Variants in TNNC1 observed in about 807,000 individuals in gnomAD.
TNNC1 encodes the protein troponin C1, slow skeletal and cardiac type, also known as troponin C, slow skeletal and cardiac muscles.
Under a neutral mutation model 19.6 loss-of-function variants are expected in TNNC1, and 10 were observed. That is an observed-to-expected ratio of 0.51 (90% CI 0.31 to 0.87). The LOEUF is 0.87. TNNC1 is among the 40% of genes least tolerant of loss of function. TNNC1 has a pLI of 0.04. For missense variants in TNNC1, 115 were observed against 219.8 expected (o/e 0.52, Z 3.02); for synonymous variants, 85 against 80.1 (o/e 1.06, Z -0.33).
intron 1 of TNNC1, 108 bp downstream of exon 1, chr3:52,453,884 T>A: frequency 7.2e-7 from 1 of 1,381,822 alleles, no homozygotes. Flanking sequence ...CACGTAGGCC[T>A]TCTCCTTGGT....
chr3:52,452,185 C>T lies in TNNC1; in HGVS notation c.123G>A (p.Leu41=), dbSNP rs757250535. ...AEDGCISTKE[L]GKVMRMLGQN... ...GGCCCAGCATCCTCATCACCTTGCC[C>T]AGCTCCTTGGTGCTGATGCAGCCAT... Residue 41 remains leucine, a synonymous_variant, in exon 3 of 6, where the codon CTG becomes CTA. Transcript: ENST00000232975. This position sits in a 1 kb window ranked among gnomAD's most constrained non-coding sequence, Gnocchi z 5.2. The T allele has an allele frequency of 2.5e-6, 4 of 1,614,062 alleles. No homozygotes were observed. Among genetic ancestry groups the T allele is most frequent in the Non-Finnish European group, 3.4e-6 (4 of 1,180,032 alleles).
rs1374868427 is a variant in TNNC1 at position 52,452,402 on chromosome 3, G to C, written c.55+81C>G. On this transcript the variant is annotated intron_variant, in intron 2 of 5. Coordinates refer to ENST00000232975, the MANE Select transcript of TNNC1 (RefSeq NM_003280.3). The surrounding 1 kb of genome is among the most constrained non-coding windows in gnomAD (Gnocchi z 5.2). ...AGAGGGACCAAGCCTCTGGTCTCTG[G>C]CCTGGGGTCCTCTTCTGATAAGGGG... is the stretch of plus-strand genomic sequence containing the variant. The C allele has an allele frequency of 6.3e-7, 1 of 1,588,502 alleles. No individual in the cohort carries two copies. Among genetic ancestry groups the C allele is most frequent in the Non-Finnish European group, 8.6e-7 (1 of 1,164,266 alleles).
rs1220589718 is a variant in TNNC1 at position 52,451,164 on chromosome 3, G to A, written c.*111C>T. On this transcript the variant is annotated 3_prime_UTR_variant, in exon 6 of 6. Transcript: ENST00000232975. This position sits in a 1 kb window ranked among gnomAD's most constrained non-coding sequence, Gnocchi z 4.8. ...CTGGGGAGGGAGTCGGGGGATTTGG[G>A]GTTGAGGACATGGCCAGGCTCAGGT... The A allele has an allele frequency of 7.9e-7, 1 of 1,265,432 alleles. No homozygotes were observed. Among genetic ancestry groups the A allele is most frequent in the Non-Finnish European group, 1.1e-6 (1 of 871,618 alleles). 78.4% of individuals were successfully genotyped at this position (1,265,432 alleles called of 1,614,324 possible).
chr3:52,452,040 C>T lies in TNNC1; in HGVS notation c.202+66G>A. ...ATAGGCTAAATTGCTCCCAGCTAAA[C>T]AGAGCCAGCATTCCAGCCCCCAGCC... On this transcript the variant is annotated intron_variant, in intron 3 of 5. Transcript: ENST00000232975. The surrounding 1 kb of genome is among the most constrained non-coding windows in gnomAD (Gnocchi z 5.2). 2.5e-6 allele frequency: 4 copies of T among 1,612,152 alleles called. No homozygotes were observed. Among genetic ancestry groups the T allele is most frequent in the Non-Finnish European group, 3.4e-6 (4 of 1,179,142 alleles).
chr3:52,452,844 T>C lies in TNNC1; in HGVS notation c.25-331A>G, dbSNP rs192260650. On this transcript the variant is annotated intron_variant, in intron 1 of 5. Coordinates refer to ENST00000232975, the MANE Select transcript of TNNC1 (RefSeq NM_003280.3). The surrounding 1 kb of genome is among the most constrained non-coding windows in gnomAD (Gnocchi z 5.2). ...GCCCGAAGGACAGCTGTCCCTCAAG[T>C]TGGGATAATAAAACCAGTGTGGAGG... 2.7e-5 allele frequency: 12 copies of C among 446,118 alleles called. No individual in the cohort carries two copies. The East Asian group carries it at 5.5e-4, about 21-fold the overall frequency. The allele number at this position is 446,118 out of a possible 1,614,324, so 27.6% of individuals were successfully genotyped here.
intron 1 of TNNC1, among the ~76,000 whole-genome samples, chr3:52,453,103 C>A (rs1366412975): frequency 3.3e-5 from 5 of 152,220 alleles, no homozygotes; most frequent in Non-Finnish European, 5.9e-5. Context: ...TCCATGGACT[C>A]CCACAGGATA....
At position 52,452,508 on chromosome 3, in the gene TNNC1, C is replaced by T; in HGVS notation, c.30G>A (p.Glu10=). ...CATTTTTCTGCTCTTCTGTCAGCTG[C>T]TCTACCTAGAAAGGAAAGGGAATCT... MDDIYKAAV[E]QLTEEQKNEF... is the part of the protein sequence containing the mutation. Residue 10 remains glutamate, a synonymous_variant, in exon 2 of 6, where the codon GAG becomes GAA. Transcript: ENST00000232975. This position sits in a 1 kb window ranked among gnomAD's most constrained non-coding sequence, Gnocchi z 5.2. 1.2e-6 allele frequency: 2 copies of T among 1,613,512 alleles called. No homozygotes were observed. Among genetic ancestry groups the T allele is most frequent in the East Asian group, 2.2e-5 (1 of 44,866 alleles).
chr3:52,453,373 C>G (rs1706357494), intron 1 of TNNC1, among the ~76,000 whole-genome samples: 1 of 152,200 alleles, frequency 6.6e-6, no homozygotes, highest in Non-Finnish European at 1.5e-5. Flanking sequence ...CTGAGCCTGC[C>G]AGGCATGATG....
Position 52,451,890 on chromosome 3 carries a change from C to G in TNNC1, c.203-32G>C, listed in dbSNP as rs781245165. The G allele has an allele frequency of 3.1e-6, 5 of 1,601,350 alleles. No homozygotes were observed. The South Asian group carries it at 4.4e-5, about 14-fold the overall frequency. On this transcript the variant is annotated intron_variant, in intron 3 of 5. Transcript: ENST00000232975. The surrounding 1 kb of genome is among the most constrained non-coding windows in gnomAD (Gnocchi z 4.8). ...GTGGGCAGCATGGCCGTTACAGAGG[C>G]CAGGGTAGGTACTGCAGGCAGCACC...
At position 52,451,497 on chromosome 3, in the gene TNNC1, CTCA is replaced by C. The variant is rs1477420578; in HGVS notation, c.345_347del (p.Asp115del). 6.2e-7 allele frequency: 1 copy of C among 1,614,050 alleles called. No homozygotes were observed. The highest frequency in any genetic ancestry group is 8.5e-7 in the Non-Finnish European group (1 of 1,180,028). The stretch of plus-strand genomic sequence containing the variant: ...CTGTAGCCTGCAGCATTATCTTCAG[CTCA>C]TCCAGGTCGATGTAGCCATCAGCAT... On this transcript the variant is annotated inframe_deletion, in exon 5 of 6. Coordinates refer to ENST00000232975, the MANE Select transcript of TNNC1 (RefSeq NM_003280.3). This position sits in a 1 kb window ranked among gnomAD's most constrained non-coding sequence, Gnocchi z 4.8.
chr3:52,452,358 C>A lies in TNNC1; in HGVS notation c.56-106G>T. On this transcript the variant is annotated intron_variant, in intron 2 of 5. Coordinates refer to ENST00000232975, the MANE Select transcript of TNNC1 (RefSeq NM_003280.3). This position sits in a 1 kb window ranked among gnomAD's most constrained non-coding sequence, Gnocchi z 5.2. ...CCAACCTGCCCACCTCCCTCGGAGA[C>A]CTCTCTGAGGGCAGAGCAAGAGGGA... The A allele has an allele frequency of 1.3e-6, 2 of 1,585,696 alleles. No individual in the cohort carries two copies. The highest frequency in any genetic ancestry group is 2.7e-5 in the African/African-American group (2 of 74,580).
chr3:52,452,257 G>T lies in TNNC1; in HGVS notation c.56-5C>A. On this transcript the variant is annotated splice_polypyrimidine_tract_variant and splice_region_variant and intron_variant, in intron 2 of 5. Transcript: ENST00000232975. This position sits in a 1 kb window ranked among gnomAD's most constrained non-coding sequence, Gnocchi z 5.2. ...TGTCGAAGGCTGCCTTGAACTCTGTGTTCAGGGGTTGGGGGGCACAGTAGT... is the reference window on the plus strand; with the variant it reads ...TGTCGAAGGCTGCCTTGAACTCTGTTTTCAGGGGTTGGGGGGCACAGTAGT... The T allele has an allele frequency of 6.2e-7, 1 of 1,609,550 alleles. No homozygotes were observed. Among genetic ancestry groups the T allele is most frequent in the Non-Finnish European group, 8.5e-7 (1 of 1,180,006 alleles).
chr3:52,451,573 CA>C lies in TNNC1; in HGVS notation c.318-47del, dbSNP rs1042876884. ...GTAGGGCTGTGGGGAGGGCATGAGG[CA>C]GCCCCACCCATGCCCCAGGAGGCAG... On this transcript the variant is annotated intron_variant, in intron 4 of 5. Transcript: ENST00000232975. This position sits in a 1 kb window ranked among gnomAD's most constrained non-coding sequence, Gnocchi z 4.8. 2 of 1,612,450 alleles carry C rather than the reference CA, an allele frequency of 1.2e-6. No individual in the cohort carries two copies. The highest frequency in any genetic ancestry group is 2.7e-5 in the African/African-American group (2 of 74,852).
chr3:52,452,472 G>C lies in TNNC1; in HGVS notation c.55+11C>G, dbSNP rs1250255969. On this transcript the variant is annotated intron_variant, in intron 2 of 5. Coordinates refer to ENST00000232975, the MANE Select transcript of TNNC1 (RefSeq NM_003280.3). This position sits in a 1 kb window ranked among gnomAD's most constrained non-coding sequence, Gnocchi z 5.2. Reference sequence around the variant, plus strand: ...CCGCTGGTCTCCCACATGTGTGATAGGGATTCTCACCATTTTTCTGCTCTT... The same window carrying C: ...CCGCTGGTCTCCCACATGTGTGATACGGATTCTCACCATTTTTCTGCTCTT... 6.2e-7 allele frequency: 1 copy of C among 1,613,186 alleles called. No homozygotes were observed. The highest frequency in any genetic ancestry group is 8.5e-7 in the Non-Finnish European group (1 of 1,179,668).
Position 52,451,641 on chromosome 3 carries a change from G to T in TNNC1, c.317+103C>A. ...GATGGGGCATCCCTCTCCCCTATCAGGCAGAGGCCACAGGGTCCCTAGGCC... is the reference window on the plus strand; with the variant it reads ...GATGGGGCATCCCTCTCCCCTATCATGCAGAGGCCACAGGGTCCCTAGGCC... On this transcript the variant is annotated intron_variant, in intron 4 of 5. Transcript: ENST00000232975. This position sits in a 1 kb window ranked among gnomAD's most constrained non-coding sequence, Gnocchi z 4.8. 1.3e-6 allele frequency: 2 copies of T among 1,576,868 alleles called. No homozygotes were observed. The highest frequency in any genetic ancestry group is 8.7e-7 in the Non-Finnish European group (1 of 1,146,812).
chr3:52,451,173 C>T lies in TNNC1; in HGVS notation c.*102G>A. On this transcript the variant is annotated 3_prime_UTR_variant, in exon 6 of 6. Coordinates refer to ENST00000232975, the MANE Select transcript of TNNC1 (RefSeq NM_003280.3). This position sits in a 1 kb window ranked among gnomAD's most constrained non-coding sequence, Gnocchi z 4.8. ...GAGTCGGGGGATTTGGGGTTGAGGA[C>T]ATGGCCAGGCTCAGGTCCTGGGACC... The T allele has an allele frequency of 1.5e-6, 2 of 1,378,692 alleles. No homozygotes were observed. Among genetic ancestry groups the T allele is most frequent in the Non-Finnish European group, 2.1e-6 (2 of 972,082 alleles). 85.4% of individuals were successfully genotyped at this position (1,378,692 alleles called of 1,614,324 possible).
chr3:52,451,211 C>G lies in TNNC1; in HGVS notation c.*64G>C. The G allele has an allele frequency of 2.5e-6, 4 of 1,607,444 alleles. No homozygotes were observed. The highest frequency in any genetic ancestry group is 1.7e-4 in the Middle Eastern group (1 of 6,056). ...AGGTCCTGGGACCCCGACCCCCTCC[C>G]CAACCCCAGGACTCAGCTGGAGTTG... is the stretch of plus-strand genomic sequence containing the variant. On this transcript the variant is annotated 3_prime_UTR_variant, in exon 6 of 6. Coordinates refer to ENST00000232975, the MANE Select transcript of TNNC1 (RefSeq NM_003280.3). This position sits in a 1 kb window ranked among gnomAD's most constrained non-coding sequence, Gnocchi z 4.8.
At position 52,452,409 on chromosome 3, in the gene TNNC1, G is replaced by A; in HGVS notation, c.55+74C>T. 1.3e-6 allele frequency: 2 copies of A among 1,592,202 alleles called. No individual in the cohort carries two copies. Among genetic ancestry groups the A allele is most frequent in the Non-Finnish European group, 8.6e-7 (1 of 1,166,298 alleles). ...CCAAGCCTCTGGTCTCTGGCCTGGG[G>A]TCCTCTTCTGATAAGGGGTCCCCAT... On this transcript the variant is annotated intron_variant, in intron 2 of 5. Coordinates refer to ENST00000232975, the MANE Select transcript of TNNC1 (RefSeq NM_003280.3). The surrounding 1 kb of genome is among the most constrained non-coding windows in gnomAD (Gnocchi z 5.2).
In TNNC1 at chr3:52,453,990, AC is replaced by A; in HGVS notation, c.24+1del. 1 of 1,586,552 alleles carries A rather than the reference AC, an allele frequency of 6.3e-7. No individual in the cohort carries two copies. Among genetic ancestry groups the A allele is most frequent in the Non-Finnish European group, 8.6e-7 (1 of 1,165,134 alleles). ...CCAGCCCTACCCAGCCCTGTCCCTC[AC>A]CGCAGCCTTGTAGATGTCATCCATG... On this transcript the variant is annotated splice_donor_variant, in intron 1 of 5. Coordinates refer to ENST00000232975, the MANE Select transcript of TNNC1 (RefSeq NM_003280.3). LOFTEE classifies it high-confidence loss of function.
Sources: allele counts gnomAD v4.1 joint callset (sites outside exome capture counted in the v4.1 genomes callset), GRCh38; gene constraint gnomAD v4.1.1; non-coding constraint Gnocchi (gnomAD v3.1); transcripts MANE v1.5; gene names NCBI Gene and HGNC (gene_info 2026-07-23, HGNC 2026-07-21).